The following FBN2 variants were observed in gnomAD, a reference collection of about 807,000 sequenced individuals.
The protein encoded by FBN2 is fibrillin 2.
In FBN2, 105 loss-of-function variants were observed where a neutral mutation model predicts 355.6. The ratio of observed to expected loss-of-function variants is 0.30; its 90% CI spans 0.25 to 0.35. The LOEUF (loss-of-function observed/expected upper bound fraction) is 0.35, where lower values mean the gene tolerates loss of function less well. Ranked by LOEUF, FBN2 falls within the 10% of genes least tolerant of loss-of-function variation. FBN2 has a pLI of 1.00. For synonymous variants in FBN2, 1,350 were observed against 1,301.2 expected (o/e 1.04, Z -0.81); for missense variants, 3,280 against 3,758.7 (o/e 0.87, Z 3.33).
chr5:128,466,829 C>T (rs1012712753), intron 5 of FBN2, among the ~76,000 whole-genome samples: 1 of 152,138 alleles, frequency 6.6e-6, no homozygotes, highest in African/African-American at 2.4e-5. Flanking sequence ...TATAAACAAA[C>T]ACACTTCCTA....
At chr5:128,272,502 G>A (rs1292660363) in intron 61 of FBN2, among the ~76,000 whole-genome samples, 1 of 138,714 alleles carries the variant, frequency 7.2e-6, no homozygotes, top group Non-Finnish European at 1.5e-5. Context: ...TATTTGCATT[G>A]CATAGTCCAG....
chr5:128,438,122 G>A (rs898852046), intron 7 of FBN2, among the ~76,000 whole-genome samples: 1 of 152,194 alleles, frequency 6.6e-6, no homozygotes, highest in Non-Finnish European at 1.5e-5. Context: ...CTCCGGAGTA[G>A]CTGGGACCAC....
chr5:128,339,292 T>C (rs1750934222), intron 25 of FBN2: 1 of 487,264 alleles, frequency 2.1e-6, no homozygotes, highest in Non-Finnish European at 3.8e-6. Context: ...TTAAAAATTC[T>C]GAATTGTGTA....
intron 6 of FBN2, among the ~76,000 whole-genome samples, chr5:128,459,874 G>A (rs908209403): frequency 6.6e-6 from 1 of 152,110 alleles, no homozygotes; most frequent in Admixed American, 6.6e-5. Flanking sequence ...ATGGGCAAAA[G>A]CTGGAAGCAT....
intron 6 of FBN2, among the ~76,000 whole-genome samples, chr5:128,448,401 G>A (rs1412921808): frequency 1.3e-5 from 2 of 151,962 alleles, no homozygotes; most frequent in Non-Finnish European, 2.9e-5. Flanking sequence ...CCACCTCCCA[G>A]GTTCAAGCGA....
intron 61 of FBN2, among the ~76,000 whole-genome samples, 178 bp from the exon 62 acceptor site, chr5:128,272,296 G>A (rs1765287881): frequency 6.6e-6 from 1 of 151,852 alleles, no homozygotes; most frequent in Middle Eastern, 3.2e-3. Flanking sequence ...GGTGGTGCAG[G>A]GAACAGTTCT....
At chr5:128,490,371 T>G (rs1402497110) in intron 5 of FBN2, among the ~76,000 whole-genome samples, 2 of 152,142 alleles carry the variant, frequency 1.3e-5, no homozygotes, top group Non-Finnish European at 2.9e-5. Flanking sequence ...TTGGCATAAA[T>G]CATGGAAGCC....
chr5:128,330,345 A>C (rs1284333689), intron 33 of FBN2, among the ~76,000 whole-genome samples: 2 of 152,196 alleles, frequency 1.3e-5, no homozygotes, highest in Non-Finnish European at 2.9e-5. Flanking sequence ...TTAACAGTAC[A>C]TGATTGTTAC....
Position 128,376,870 on chromosome 5 carries a change from A to G in FBN2, c.1850-17T>C. 1 of 1,612,560 alleles carries G rather than the reference A, an allele frequency of 6.2e-7. No homozygotes were observed. The highest frequency in any genetic ancestry group is 8.5e-7 in the Non-Finnish European group (1 of 1,179,274). Reference sequence around the variant, plus strand: ...CATCATGATCTGCAGAAGAGGATTGAGTGACTTTGAACACTGGCCTTGAGG... The same window carrying G: ...CATCATGATCTGCAGAAGAGGATTGGGTGACTTTGAACACTGGCCTTGAGG... On this transcript the variant is annotated splice_polypyrimidine_tract_variant and intron_variant, in intron 13 of 64. Coordinates refer to ENST00000262464, the MANE Select transcript of FBN2 (RefSeq NM_001999.4).
At chr5:128,353,160 C>A (rs1462132631) in intron 20 of FBN2, among the ~76,000 whole-genome samples, 6 of 151,320 alleles carry the variant, frequency 4.0e-5, no homozygotes, top group Non-Finnish European at 1.5e-5. Context: ...ACAGTGAGAC[C>A]CTGTCTTCCA....
chr5:128,488,642 C>G (rs1332222903), intron 5 of FBN2, among the ~76,000 whole-genome samples: 1 of 151,432 alleles, frequency 6.6e-6, no homozygotes. Flanking sequence ...CTAATGCTAT[C>G]CCTCCCCCTT....
At chr5:128,529,097 T>G (rs1453950542) in intron 3 of FBN2, among the ~76,000 whole-genome samples, 1 of 152,208 alleles carries the variant, frequency 6.6e-6, no homozygotes, top group Non-Finnish European at 1.5e-5. Context: ...CTTTTAGACA[T>G]GCTACTAAGT....
At chr5:128,318,593 CAT>C (rs1023453097) in intron 35 of FBN2, among the ~76,000 whole-genome samples, 29 of 151,312 alleles carry the variant, frequency 1.9e-4, no homozygotes, top group African/African-American at 6.8e-4. Context: ...TATATATATA[CAT>C]GTACTATATA....
intron 6 of FBN2, among the ~76,000 whole-genome samples, chr5:128,454,000 C>CCA (rs1331528295): frequency 2.0e-5 from 3 of 151,266 alleles, no homozygotes; most frequent in Non-Finnish European, 4.4e-5. Context: ...GCCCCCCCCC[C>CCA]AAGTTTCTCC....
At chr5:128,524,020 G>C (rs79036560) in intron 4 of FBN2, among the ~76,000 whole-genome samples, 11,101 of 151,882 alleles carry the variant, frequency 0.073, 415 homozygotes, top group Middle Eastern at 0.085. Flanking sequence ...ATGCTCCAGT[G>C]ACTTCTCATA....
chr5:128,307,576 G>A (rs1404346005), intron 41 of FBN2, among the ~76,000 whole-genome samples: 1 of 150,578 alleles, frequency 6.6e-6, no homozygotes, highest in Non-Finnish European at 1.5e-5. Context: ...AATTGAAAAA[G>A]GAATTACAGA....
chr5:128,531,798 AATGGAT>A (rs1756715569), intron 2 of FBN2, among the ~76,000 whole-genome samples: 1 of 151,678 alleles, frequency 6.6e-6, no homozygotes, highest in African/African-American at 2.4e-5. Context: ...CAAACAGTAC[AATGGAT>A]CTCACTGCAT....
chr5:128,524,072 C>A (rs1324225067), intron 4 of FBN2, among the ~76,000 whole-genome samples: 2 of 152,070 alleles, frequency 1.3e-5, no homozygotes, highest in Non-Finnish European at 2.9e-5. Context: ...TGGCCTACTA[C>A]AAGGCCCTAT....
At chr5:128,480,513 A>G (rs989560776) in intron 5 of FBN2, among the ~76,000 whole-genome samples, 44 of 152,066 alleles carry the variant, frequency 2.9e-4, no homozygotes, top group African/African-American at 1.1e-3. Context: ...ATGAGATAAA[A>G]CTCTCAAGTA....
Sources: allele counts gnomAD v4.1 joint callset (sites outside exome capture counted in the v4.1 genomes callset), GRCh38; gene constraint gnomAD v4.1.1; transcripts MANE v1.5; gene names NCBI Gene and HGNC (gene_info 2026-07-23, HGNC 2026-07-21).